Variants in CACNB2 observed in about 807,000 individuals in gnomAD.
CACNB2 encodes the protein voltage-dependent L-type calcium channel subunit beta-2.
In CACNB2, 42 loss-of-function variants were observed where a neutral mutation model predicts 73.3. The ratio of observed to expected loss-of-function variants is 0.57; its 90% CI spans 0.45 to 0.74. The LOEUF (loss-of-function observed/expected upper bound fraction) is 0.74. Ranked by LOEUF, CACNB2 falls within the 30% of genes least tolerant of loss-of-function variation. CACNB2 has a pLI of 0.00. For missense variants in CACNB2, 940 were observed against 853.0 expected, an observed-to-expected ratio of 1.10 and a Z score of -1.27; for synonymous variants, 348 against 310.3, an observed-to-expected ratio of 1.12 and a Z score of -1.28.
intron 2 of CACNB2, among the ~76,000 whole-genome samples, chr10:18,252,520 G>C (rs1407962110): frequency 6.6e-6 from 1 of 152,030 alleles, no homozygotes; most frequent in Non-Finnish European, 1.5e-5. Context: ...ATTTTGTATT[G>C]CCATCTTTGC....
chr10:18,372,949 A>G (rs1315360029), intron 2 of CACNB2, among the ~76,000 whole-genome samples: 1 of 152,172 alleles, frequency 6.6e-6, no homozygotes, highest in Non-Finnish European at 1.5e-5. Flanking sequence ...AGCTGAGACT[A>G]CAAGTGTGAG....
chr10:18,536,317 G>GGTAT, intron 12 of CACNB2, 121 bp downstream of exon 12: 1 of 618,424 alleles, frequency 1.6e-6, no homozygotes, highest in Non-Finnish European at 2.7e-6. Context: ...GGAGTGCAGT[G>GGTAT]GTATGGTCTT....
At chr10:18,460,636 A>G (rs1207587666) in intron 3 of CACNB2, among the ~76,000 whole-genome samples, 2 of 152,100 alleles carry the variant, frequency 1.3e-5, no homozygotes, top group African/African-American at 4.8e-5. Context: ...CACACCTGTA[A>G]TCCCAACACC....
chr10:18,512,659 A>C (rs1346978977), intron 6 of CACNB2, among the ~76,000 whole-genome samples: 9 of 152,186 alleles, frequency 5.9e-5, no homozygotes, highest in Non-Finnish European at 7.4e-5. Context: ...GAAACACTAC[A>C]ATCAACACAT....
At chr10:18,529,228 C>G (rs182181789) in intron 10 of CACNB2, among the ~76,000 whole-genome samples, 90 of 151,914 alleles carry the variant, frequency 5.9e-4, no homozygotes, top group African/African-American at 2.0e-3. Flanking sequence ...TAACAGATTT[C>G]CTTAGATTGC....
intron 2 of CACNB2, among the ~76,000 whole-genome samples, chr10:18,197,138 A>G (rs967652327): frequency 1.3e-5 from 2 of 152,152 alleles, no homozygotes; most frequent in Non-Finnish European, 2.9e-5. Flanking sequence ...GTTGATAGTT[A>G]TCAGATACAG....
chr10:18,307,983 CTTTTTTTTTTTT>C (rs869311555), intron 2 of CACNB2, among the ~76,000 whole-genome samples: 7 of 70,246 alleles, frequency 1.0e-4, no homozygotes, highest in Admixed American at 7.8e-4. Context: ...TATATGCCAA[CTTTTTTTTTTTT>C]TTTTTTTTTT....
rs2047868865 is a variant in CACNB2 at position 18,466,104 on chromosome 10, A to G, written c.334-32251A>G. Among the ~76,000 whole-genome samples, 3 of 152,338 alleles carry G rather than the reference A, an allele frequency of 2.0e-5. No homozygotes were observed. The South Asian group carries it at 6.2e-4, about 32-fold the overall frequency. On this transcript the variant is annotated intron_variant, in intron 3 of 13. Transcript: ENST00000324631. Reference sequence around the variant, plus strand: ...GGCACACCTCCCTACCCTGGGGATGACTTATCTGACATTCCAGTTACGGTG... The same window carrying G: ...GGCACACCTCCCTACCCTGGGGATGGCTTATCTGACATTCCAGTTACGGTG...
intron 3 of CACNB2, among the ~76,000 whole-genome samples, chr10:18,469,596 A>G (rs2048076011): frequency 6.6e-6 from 1 of 152,204 alleles, no homozygotes; most frequent in Non-Finnish European, 1.5e-5. Flanking sequence ...GGTGGTTCTT[A>G]GGAAAACTTA....
intron 2 of CACNB2, among the ~76,000 whole-genome samples, chr10:18,266,276 A>G (rs963033710): frequency 6.6e-6 from 1 of 152,224 alleles, no homozygotes; most frequent in Non-Finnish European, 1.5e-5. Context: ...CAAAGGCCAC[A>G]GAGTCTGAGG....
intron 3 of CACNB2, among the ~76,000 whole-genome samples, chr10:18,481,203 TATATATATATATA>T (rs2048712888): frequency 6.4e-5 from 1 of 15,582 alleles, no homozygotes; most frequent in African/African-American, 2.3e-4. Flanking sequence ...TATATATATA[TATATATATATATA>T]TATATATATA....
intron 3 of CACNB2, among the ~76,000 whole-genome samples, chr10:18,488,331 C>G (rs1396888342): frequency 6.6e-6 from 1 of 150,990 alleles, no homozygotes; most frequent in Non-Finnish European, 1.5e-5. Context: ...GAAAATTAGC[C>G]AGGCGTGGTG....
intron 8 of CACNB2, 39 bp downstream of exon 8, chr10:18,518,455 C>A (rs529003860): frequency 7.3e-6 from 10 of 1,364,030 alleles, no homozygotes; most frequent in Non-Finnish European, 1.0e-5. Flanking sequence ...AACTTGCATG[C>A]TGAACTTCTT....
chr10:18,215,901 G>T (rs11013044), intron 2 of CACNB2, among the ~76,000 whole-genome samples: 1 of 151,994 alleles, frequency 6.6e-6, no homozygotes, highest in Non-Finnish European at 1.5e-5. Context: ...TACTGAGATC[G>T]GGTCTAGATG....
intron 3 of CACNB2, among the ~76,000 whole-genome samples, chr10:18,481,203 TA>T (rs1564599128): frequency 0.019 from 295 of 15,574 alleles, 25 homozygotes; most frequent in African/African-American, 0.02. Flanking sequence ...TATATATATA[TA>T]TATATATATA....
At chr10:18,389,270 A>G (rs1048335705) in intron 2 of CACNB2, among the ~76,000 whole-genome samples, 1 of 152,074 alleles carries the variant, frequency 6.6e-6, no homozygotes, top group South Asian at 2.1e-4. Context: ...CCAAGTAGCT[A>G]GGACTGCAGG....
intron 2 of CACNB2, among the ~76,000 whole-genome samples, chr10:18,373,130 A>G (rs1220756044): frequency 6.6e-6 from 1 of 152,078 alleles, no homozygotes; most frequent in African/African-American, 2.4e-5. Context: ...ATTTCCCTAA[A>G]GACTAGCAGA....
At chr10:18,189,417 T>C (rs1222499024) in intron 2 of CACNB2, among the ~76,000 whole-genome samples, 1 of 152,232 alleles carries the variant, frequency 6.6e-6, no homozygotes. Flanking sequence ...TTTGGATGCA[T>C]GTATTTAAAT....
chr10:18,506,278 G>A (rs2050485616), intron 5 of CACNB2, among the ~76,000 whole-genome samples, 193 bp from the exon 6 acceptor site: 2 of 152,134 alleles, frequency 1.3e-5, no homozygotes, highest in African/African-American at 2.4e-5. Context: ...CCTTGAATTT[G>A]AAATCAGAGA....
Sources: gnomAD v4.1 joint callset for allele counts (sites outside exome capture counted in the v4.1 genomes callset) on GRCh38, gnomAD v4.1.1 for gene constraint, MANE v1.5 for transcripts, NCBI Gene and HGNC (gene_info 2026-07-23, HGNC 2026-07-21) for gene names.